MAST2: variants seen among roughly 807,000 people sequenced by gnomAD.
The protein encoded by MAST2 is microtubule associated serine/threonine kinase 2.
MAST2 carries 70 observed loss-of-function variants against 147.4 expected under a neutral mutation model. The ratio of observed to expected loss-of-function variants is 0.47; its 90% CI spans 0.39 to 0.58. The LOEUF is 0.58. Among genes scored for constraint, MAST2 ranks in the 20% least tolerant of loss-of-function variants. The pLI, the probability that MAST2 is intolerant of heterozygous loss-of-function variation, is 0.00. For synonymous variants in MAST2, 869 were observed against 896.8 expected, an observed-to-expected ratio of 0.97 and a Z score of 0.55; for missense variants, 2,080 against 2,302.3, an observed-to-expected ratio of 0.90 and a Z score of 1.98.
At chr1:45,912,716 CCA>C (rs1002822289) in intron 4 of MAST2, among the ~76,000 whole-genome samples, 2 of 152,220 alleles carry the variant, frequency 1.3e-5, no homozygotes. Context: ...GGGTTTAGCT[CCA>C]CAGTTTACTT....
In MAST2 at chr1:45,929,385, G is replaced by C. The variant is rs141484293; in HGVS notation, c.501-30001G>C. Reference sequence around the variant, plus strand: ...GAAGATTGTTTGCCCAGAGCAGCAGGGGGGGAGTTGTTGGTGGTGAAGCCC... The same window carrying C: ...GAAGATTGTTTGCCCAGAGCAGCAGCGGGGGAGTTGTTGGTGGTGAAGCCC... On this transcript the variant is annotated intron_variant, in intron 4 of 28. Transcript: ENST00000361297. 3.1e-4 allele frequency among the ~76,000 whole-genome samples: 47 copies of C among 152,270 alleles called. 1 individual carries two copies. The East Asian group carries it at 3.7e-3, about 12-fold the overall frequency.
At chr1:45,832,664 A>C (rs1644994852) in intron 3 of MAST2, among the ~76,000 whole-genome samples, 1 of 152,214 alleles carries the variant, frequency 6.6e-6, no homozygotes. Context: ...ACCATGATAC[A>C]GCTGAATATT....
At chr1:45,927,722 ACATGCATCC>A (rs1380399752) in intron 4 of MAST2, among the ~76,000 whole-genome samples, 20 of 152,362 alleles carry the variant, frequency 1.3e-4, no homozygotes, top group Middle Eastern at 3.4e-3. Context: ...TCCTGAAGCG[ACATGCATCC>A]TTTTCAGCTG....
intron 4 of MAST2, among the ~76,000 whole-genome samples, chr1:45,938,337 T>C (rs982952309): frequency 7.2e-5 from 11 of 152,178 alleles, no homozygotes; most frequent in African/African-American, 2.4e-4. Flanking sequence ...TTTTCTTTTT[T>C]CTTGGAGATG....
intron 3 of MAST2, among the ~76,000 whole-genome samples, chr1:45,848,944 C>A (rs9787208): frequency 0.46 from 69,331 of 151,930 alleles, 16,049 homozygotes; most frequent in East Asian, 0.66. Context: ...AACAACAGCC[C>A]AGCTGGGAGC....
chr1:45,941,344 C>G (rs963043338), intron 4 of MAST2, among the ~76,000 whole-genome samples: 2 of 152,158 alleles, frequency 1.3e-5, no homozygotes, highest in Non-Finnish European at 2.9e-5. Flanking sequence ...ACTGCAGCCT[C>G]CACCTCCTGG....
chr1:45,810,273 C>A (rs1307590391), intron 1 of MAST2, among the ~76,000 whole-genome samples: 2 of 152,030 alleles, frequency 1.3e-5, no homozygotes, highest in Non-Finnish European at 2.9e-5. Flanking sequence ...CCTAAAATAC[C>A]CTCAGTGTGA....
intron 4 of MAST2, among the ~76,000 whole-genome samples, chr1:45,908,082 T>C (rs1439714377): frequency 6.6e-6 from 1 of 152,128 alleles, no homozygotes; most frequent in African/African-American, 2.4e-5. Context: ...TTATTAATTT[T>C]ATTAATATTG....
At chr1:45,988,417 A>G (rs918698325) in intron 5 of MAST2, among the ~76,000 whole-genome samples, 1 of 152,192 alleles carries the variant, frequency 6.6e-6, no homozygotes, top group African/African-American at 2.4e-5. Flanking sequence ...TCTGTTACTG[A>G]TTTCTAATTC....
intron 5 of MAST2, among the ~76,000 whole-genome samples, chr1:45,993,526 A>C (rs895395885): frequency 2.6e-5 from 4 of 152,248 alleles, no homozygotes; most frequent in Admixed American, 1.3e-4. Flanking sequence ...TCCATTAAAA[A>C]TAGAAAAATT....
chr1:46,004,947 G>C (rs1228791026), intron 7 of MAST2, among the ~76,000 whole-genome samples: 1 of 152,082 alleles, frequency 6.6e-6, no homozygotes, highest in East Asian at 1.9e-4. Context: ...TGCACCTGCA[G>C]TTTCAGCTGC....
chr1:45,883,911 T>TTCCCCCCCCCCC, intron 4 of MAST2, among the ~76,000 whole-genome samples: 1 of 482 alleles, frequency 2.1e-3, no homozygotes, highest in Non-Finnish European at 5.7e-3. Flanking sequence ...CTACTATTTC[T>TTCCCCCCCCCCC]GCCCCCCCCG....
intron 4 of MAST2, among the ~76,000 whole-genome samples, chr1:45,886,506 C>A (rs1028564475): frequency 5.9e-5 from 9 of 151,868 alleles, no homozygotes; most frequent in Admixed American, 3.9e-4. Flanking sequence ...TTAGATGTAG[C>A]TTCCTGAAAC....
chr1:45,999,493 C>G (rs972559051), intron 6 of MAST2, among the ~76,000 whole-genome samples: 5 of 152,144 alleles, frequency 3.3e-5, no homozygotes, highest in African/African-American at 1.2e-4. Flanking sequence ...TGAGTTATTT[C>G]TCATTCATTT....
At chr1:45,922,543 T>A (rs1653678706) in intron 4 of MAST2, among the ~76,000 whole-genome samples, 2 of 152,206 alleles carry the variant, frequency 1.3e-5, no homozygotes, top group South Asian at 4.1e-4. Flanking sequence ...CACACTCAGC[T>A]GGGCTGTGAC....
rs575222667 is a variant in MAST2, at chr1:45,883,685, A to ATGAATTCTATTAT, written c.500+1292_500+1304dup. Among the ~76,000 whole-genome samples the ATGAATTCTATTAT allele has an allele frequency of 3.5e-3, 531 of 152,170 alleles. 2 individuals carry two copies. The highest frequency in any genetic ancestry group is 0.012 in the African/African-American group (483 of 41,524). ...AGAATTCTTAATGGGTTAAATTTGG[A>ATGAATTCTATTAT]TGAATTCTATTATTTAAGAGGCACA... On this transcript the variant is annotated intron_variant, in intron 4 of 28. Coordinates refer to ENST00000361297, the MANE Select transcript of MAST2 (RefSeq NM_015112.3).
intron 3 of MAST2, chr1:45,865,103 G>C: frequency 2.2e-6 from 1 of 454,684 alleles, no homozygotes. Flanking sequence ...TATCTATTAT[G>C]GATGATTCCA....
chr1:45,944,162 A>G (rs535605290), intron 4 of MAST2, among the ~76,000 whole-genome samples: 3 of 152,354 alleles, frequency 2.0e-5, no homozygotes, highest in African/African-American at 7.2e-5. Context: ...AAAATGCACA[A>G]TAATTACTGC....
chr1:46,013,713 A>G (rs1645813150), intron 10 of MAST2, among the ~76,000 whole-genome samples: 1 of 152,002 alleles, frequency 6.6e-6, no homozygotes, highest in African/African-American at 2.4e-5. Flanking sequence ...AAAGACACAG[A>G]GCCTCTTTAC....
Sources: gnomAD v4.1 joint callset for allele counts (sites outside exome capture counted in the v4.1 genomes callset) on GRCh38, gnomAD v4.1.1 for gene constraint, MANE v1.5 for transcripts, NCBI Gene and HGNC (gene_info 2026-07-23, HGNC 2026-07-21) for gene names.